Variants in NBPF14 observed in about 807,000 individuals in gnomAD.
NBPF14 encodes NBPF member 14.
Under a neutral mutation model 91.2 loss-of-function variants are expected in NBPF14, and 104 were observed. The ratio of observed to expected loss-of-function variants is 1.14; its 90% CI spans 0.97 to 1.34. The LOEUF (loss-of-function observed/expected upper bound fraction) is 1.34. Ranked by LOEUF, NBPF14 falls within the 40% of genes most tolerant of loss-of-function variation. The pLI is 0.00. For synonymous variants in NBPF14, 294 were observed against 303.8 expected (o/e 0.97, Z 0.34); for missense variants, 908 against 783.0 (o/e 1.16, Z -1.91).
Position 148,566,367 on chromosome 1 carries a change from A to T in NBPF14, c.3543-52T>A, listed in dbSNP as rs1349375065. 63 of 754,190 alleles carry T rather than the reference A, an allele frequency of 8.4e-5. 4 individuals are homozygous for T. The Admixed American group carries it at 1.1e-3, about 13-fold the overall frequency. 46.7% of individuals were successfully genotyped at this position (754,190 alleles called of 1,614,324 possible). On this transcript the variant is annotated intron_variant, in intron 28 of 70. Coordinates refer to ENST00000619423, the Ensembl canonical transcript of NBPF14. ...TAAGCCAGGGGAAATCAGACACAAC[A>T]GAGCCTCAACTAGGTTTCATGGGTA...
At position 148,566,163 on chromosome 1, in the gene NBPF14, C is replaced by A. The variant is rs1178649759; in HGVS notation, c.3695G>T (p.Gly1232Val). The A allele has an allele frequency of 9.9e-5, 52 of 527,628 alleles. 4 individuals carry two copies. Among genetic ancestry groups the A allele is most frequent in the Middle Eastern group, 4.7e-4 (1 of 2,106 alleles). 32.7% of individuals were successfully genotyped at this position (527,628 alleles called of 1,614,324 possible). A position where few individuals can be genotyped will look rare whatever the true frequency, so the allele number is the denominator to read the frequency against. The stretch of plus-strand genomic sequence containing the variant: ...CTCACCTCCCACGTCAAGAGAAAAG[C>A]CAACATGTTTTTCCTCCAATGCATA... The change falls in exon 29 of 71, where the codon GGC becomes GTC. Residue 1232 changes from glycine to valine, a missense_variant. Transcript: ENST00000619423.
At chr1:148,572,467 G>A in exon 21 of NBPF14, 2 of 538,462 alleles carry the variant, frequency 3.7e-6, no homozygotes, top group Non-Finnish European at 6.4e-6. Context: ...GCCAAGCCAA[G>A]GTACTGTTCC....
intron 39 of NBPF14, among the ~76,000 whole-genome samples, 165 bp from the exon 40 acceptor site, chr1:148,557,707 TG>T (rs1432551095): frequency 3.8e-5 from 5 of 130,466 alleles, no homozygotes; most frequent in African/African-American, 1.8e-4. Flanking sequence ...TGATATTCCT[TG>T]CTTTGCATCT....
At chr1:148,532,471 C>T (rs1249253134) in exon 71 of NBPF14, 1 of 152,414 alleles carries the variant, frequency 6.6e-6, no homozygotes, top group African/African-American at 2.5e-5. Flanking sequence ...GCTTCTCTAA[C>T]CAAAGGAGTC....
chr1:148,559,277 C>G (rs1570940452), intron 37 of NBPF14, among the ~76,000 whole-genome samples: 4 of 112,988 alleles, frequency 3.5e-5, no homozygotes, highest in African/African-American at 2.1e-4. Context: ...GTAAAATTCC[C>G]TATTCTGGTA....
At chr1:148,533,436 G>C (rs1654105866) in intron 70 of NBPF14, among the ~76,000 whole-genome samples, 188 bp from the exon 71 acceptor site, 1 of 151,370 alleles carries the variant, frequency 6.6e-6, no homozygotes, top group East Asian at 1.9e-4. Flanking sequence ...AACAATGAAA[G>C]AGAAAGACAG....
chr1:148,566,800 C>G (rs1446960602), intron 28 of NBPF14, among the ~76,000 whole-genome samples, 152 bp downstream of exon 28: 1 of 92,794 alleles, frequency 1.1e-5, no homozygotes, highest in Admixed American at 1.0e-4. Context: ...ACCTAAATAT[C>G]TACTGCAATG....
At chr1:148,577,186 C>G (rs1471657921) in exon 15 of NBPF14, 9 of 626,060 alleles carry the variant, frequency 1.4e-5, no homozygotes, top group East Asian at 2.7e-5. Context: ...TACTCACCAT[C>G]CATGTCAACA....
At chr1:148,539,499 T>G in exon 63 of NBPF14, 1 of 306,542 alleles carries the variant, frequency 3.3e-6, no homozygotes, top group Non-Finnish European at 5.6e-6. Context: ...CAGTTCAAGA[T>G]AACCTGAAGG....
At chr1:148,557,172 C>G (rs1656756301) in intron 40 of NBPF14, among the ~76,000 whole-genome samples, 1 of 101,764 alleles carries the variant, frequency 9.8e-6, no homozygotes, top group Non-Finnish European at 1.8e-5. Context: ...TTAGTGCCCT[C>G]AGGACACACA....
intron 34 of NBPF14, among the ~76,000 whole-genome samples, chr1:148,561,896 G>A (rs1267907864): frequency 7.7e-6 from 1 of 129,182 alleles, no homozygotes; most frequent in Non-Finnish European, 1.5e-5. Flanking sequence ...GGAGTAACAG[G>A]ACACTCTGAG....
chr1:148,533,430 A>C (rs1383379054), intron 70 of NBPF14, among the ~76,000 whole-genome samples, 182 bp from the exon 71 acceptor site: 6 of 151,132 alleles, frequency 4.0e-5, no homozygotes, highest in Non-Finnish European at 5.9e-5. Flanking sequence ...GTAGAAAACA[A>C]TGAAAGAGAA....
chr1:148,535,984 T>A (rs1655121284), intron 67 of NBPF14, among the ~76,000 whole-genome samples: 1 of 150,744 alleles, frequency 6.6e-6, no homozygotes, highest in African/African-American at 2.4e-5. Context: ...TCCAACATCT[T>A]GAGAGTAGGA....
intron 13 of NBPF14, 109 bp from the exon 14 acceptor site, chr1:148,578,143 C>T (rs1313390486): frequency 2.7e-6 from 2 of 739,616 alleles, no homozygotes; most frequent in East Asian, 4.9e-5. Context: ...AGTGTGAGAA[C>T]AGGAGACTTT....
At chr1:148,561,804 C>T (rs1163210888) in intron 34 of NBPF14, among the ~76,000 whole-genome samples, 4 of 135,278 alleles carry the variant, frequency 3.0e-5, no homozygotes, top group Admixed American at 2.8e-4. Flanking sequence ...CACACACAAA[C>T]ACACACACAC....
In NBPF14 at chr1:148,534,857, C is replaced by G. The variant is rs1654734639; in HGVS notation, c.8442-1G>C. The G allele has an allele frequency of 1.0e-6, 1 of 955,494 alleles. No individual in the cohort carries two copies. Among genetic ancestry groups the G allele is most frequent in the Non-Finnish European group, 1.7e-6 (1 of 593,150 alleles). The allele number at this position is 955,494 out of a possible 1,614,324, so 59.2% of individuals were successfully genotyped here. ...CTCATCCAGCAGCTCCCTGCTGAGCCTGGAAAAGTAGGAAAAAGTAAAGAA... is the reference window on the plus strand; with the variant it reads ...CTCATCCAGCAGCTCCCTGCTGAGCGTGGAAAAGTAGGAAAAAGTAAAGAA... On this transcript the variant is annotated splice_acceptor_variant, in intron 68 of 70. Transcript: ENST00000619423. LOFTEE classifies it high-confidence loss of function.
chr1:148,579,852 G>C (rs1260309667), intron 12 of NBPF14, among the ~76,000 whole-genome samples: 1 of 152,122 alleles, frequency 6.6e-6, no homozygotes, highest in Admixed American at 6.5e-5. Flanking sequence ...CTGAAGCTGA[G>C]GGACCTGACT....
chr1:148,586,846 T>A (rs1158743902), intron 8 of NBPF14, among the ~76,000 whole-genome samples: 1 of 134,568 alleles, frequency 7.4e-6, no homozygotes, highest in African/African-American at 2.7e-5. Context: ...TGTACAGAAA[T>A]GAGGCCAGGT....
intron 69 of NBPF14, 22 bp downstream of exon 69, chr1:148,534,662 A>AC (rs1190030688): frequency 1.2e-6 from 1 of 831,890 alleles, no homozygotes; most frequent in Non-Finnish European, 2.1e-6. Context: ...GAGGCTTATC[A>AC]CCTTCATAGT....
Sources: allele counts gnomAD v4.1 joint callset (sites outside exome capture counted in the v4.1 genomes callset), GRCh38; gene constraint gnomAD v4.1.1; transcripts MANE v1.5; gene names NCBI Gene and HGNC (gene_info 2026-07-23, HGNC 2026-07-21).